The following DDX60 variants were observed in gnomAD, a reference collection of about 807,000 sequenced individuals.
DDX60 encodes probable ATP-dependent RNA helicase DDX60.
Under a neutral mutation model 212.8 loss-of-function variants are expected in DDX60, and 165 were observed. The ratio of observed to expected loss-of-function variants is 0.78; its 90% CI spans 0.68 to 0.88. DDX60 has a LOEUF of 0.88. DDX60 is among the 40% of genes least tolerant of loss of function. The pLI, the probability that DDX60 is intolerant of heterozygous loss-of-function variation, is 0.00. For missense variants in DDX60, 1,905 were observed against 2,003.9 expected, an observed-to-expected ratio of 0.95 and a Z score of 0.94; for synonymous variants, 703 against 685.3, an observed-to-expected ratio of 1.03 and a Z score of -0.40.
Position 168,267,609 on chromosome 4 carries a change from G to C in DDX60, c.3012C>G (p.His1004Gln), listed in dbSNP as rs1469448692. The C allele has an allele frequency of 6.3e-7, 1 of 1,598,684 alleles. No individual in the cohort carries two copies. Residue 1004 changes from histidine (H) to glutamine (Q), a missense_variant, in exon 22 of 38, where the codon CAC becomes CAG. Transcript: ENST00000393743. ...GATCTGTTGTTAGTGCAGCACATGG[G>C]TGAAAATGATCAAAATGAATGTCAC... Reference protein sequence around the residue: ...KHGDIHFDHFHPCAALTTDHI... With the variant: ...KHGDIHFDHFQPCAALTTDHI...
At chr4:168,261,960 A>G in intron 24 of DDX60, 40 bp downstream of exon 24, 1 of 1,564,556 alleles carries the variant, frequency 6.4e-7, no homozygotes, top group Non-Finnish European at 8.6e-7. Context: ...TCAAGAAAAC[A>G]ACAAAAATAA....
chr4:168,248,300 GA>G lies in DDX60; in HGVS notation c.3859-9del. 3 of 1,573,472 alleles carry G rather than the reference GA, an allele frequency of 1.9e-6. No homozygotes were observed. Among genetic ancestry groups the G allele is most frequent in the Non-Finnish European group, 2.6e-6 (3 of 1,158,810 alleles). ...TCCAGTAGCTGTCACCACCTTGAAA[GA>G]GAATAAAACAATTACTTCATAAAAT... On this transcript the variant is annotated splice_polypyrimidine_tract_variant and intron_variant, in intron 28 of 37. Coordinates refer to ENST00000393743, the MANE Select transcript of DDX60 (RefSeq NM_017631.6).
Position 168,252,536 on chromosome 4 carries a change from A to C in DDX60, c.3678T>G (p.Tyr1226Ter). 6.2e-7 allele frequency: 1 copy of C among 1,614,010 alleles called. No individual in the cohort carries two copies. Among genetic ancestry groups the C allele is most frequent in the East Asian group, 2.2e-5 (1 of 44,862 alleles). The change falls in exon 27 of 38, where the codon TAT becomes TAG. Residue 1226 changes from tyrosine (Y) to a stop codon, truncating the protein, a stop_gained. Coordinates refer to ENST00000393743, the MANE Select transcript of DDX60 (RefSeq NM_017631.6). LOFTEE classifies it high-confidence loss of function. ...KNLEIPQDCT[Y>*]ADQKAVDTET... ...CAGTGTCCACTGCTTTTTGATCAGC[A>C]TATGTGCAGTCCTGTGGGATTTCCA... is the stretch of plus-strand genomic sequence containing the variant.
intron 3 of DDX60, among the ~76,000 whole-genome samples, chr4:168,309,989 T>C (rs1288357449): frequency 6.6e-6 from 1 of 152,120 alleles, no homozygotes; most frequent in African/African-American, 2.4e-5. Context: ...AGGGAAAAGA[T>C]AAACACCAGC....
At chr4:168,247,939 T>A (rs1734079741) in intron 29 of DDX60, among the ~76,000 whole-genome samples, 1 of 152,206 alleles carries the variant, frequency 6.6e-6, no homozygotes, top group South Asian at 2.1e-4. Flanking sequence ...ACCCATATTT[T>A]GGAGATAGAA....
chr4:168,273,726 A>C (rs1735201501), intron 17 of DDX60, among the ~76,000 whole-genome samples: 1 of 152,114 alleles, frequency 6.6e-6, no homozygotes, highest in Non-Finnish European at 1.5e-5. Context: ...CTAAAGTTTG[A>C]ATATGTATAT....
At position 168,266,344 on chromosome 4, in the gene DDX60, T is replaced by C. The variant is rs140705349; in HGVS notation, c.3039+1238A>G. Among the ~76,000 whole-genome samples, 344 of 152,318 alleles carry C rather than the reference T, an allele frequency of 2.3e-3. 1 individual carries two copies. In the Middle Eastern group the frequency reaches 0.027, roughly 12 times the overall value. On this transcript the variant is annotated intron_variant, in intron 22 of 37. Coordinates refer to ENST00000393743, the MANE Select transcript of DDX60 (RefSeq NM_017631.6). ...TTTAACATACACTTAGTACCTTTTATATACATAGCAATTTGTTAGGAAATG... is the reference window on the plus strand; with the variant it reads ...TTTAACATACACTTAGTACCTTTTACATACATAGCAATTTGTTAGGAAATG...
chr4:168,220,593 T>C (rs1410870296), intron 37 of DDX60, 62 bp downstream of exon 37: 1 of 1,009,008 alleles, frequency 9.9e-7, no homozygotes, highest in Non-Finnish European at 1.4e-6. Flanking sequence ...CAGCTCAACA[T>C]TTTTCAAATT....
Position 168,280,444 on chromosome 4 carries a change from C to T in DDX60, c.1869G>A (p.Leu623=). 1 of 1,614,152 alleles carries T rather than the reference C, an allele frequency of 6.2e-7. No individual in the cohort carries two copies. Among genetic ancestry groups the T allele is most frequent in the African/African-American group, 1.3e-5 (1 of 75,050 alleles). The change falls in exon 14 of 38, where the codon CTG becomes CTA. Residue 623 remains leucine (L), a synonymous_variant. Transcript: ENST00000393743. ...KENLHSGIKS[L]EDFLKSCKSS... ...TTTTACAGGATTTCAAAAAATCTTC[C>T]AGGCTCTTTATTCCAGAGTGTAAAT...
chr4:168,282,903 G>A (rs777114487), intron 13 of DDX60, among the ~76,000 whole-genome samples: 2 of 151,848 alleles, frequency 1.3e-5, no homozygotes, highest in Non-Finnish European at 2.9e-5. Flanking sequence ...CCCCAGTTAC[G>A]TCTCCCAGGA....
At chr4:168,293,331 C>G (rs115029779) in intron 7 of DDX60, among the ~76,000 whole-genome samples, 1 of 152,134 alleles carries the variant, frequency 6.6e-6, no homozygotes, top group Non-Finnish European at 1.5e-5. Flanking sequence ...CAAGATGGAC[C>G]GGAGTTCAAT....
At chr4:168,247,018 C>T (rs926143270) in intron 29 of DDX60, among the ~76,000 whole-genome samples, 1 of 152,204 alleles carries the variant, frequency 6.6e-6, no homozygotes, top group Non-Finnish European at 1.5e-5. Flanking sequence ...TACCCTCTCT[C>T]ACACACAAGT....
intron 30 of DDX60, among the ~76,000 whole-genome samples, chr4:168,239,450 T>A (rs374925005): frequency 2.0e-5 from 3 of 151,870 alleles, no homozygotes; most frequent in East Asian, 3.9e-4. Context: ...ATGATAGACA[T>A]AAAGAAAGAT....
rs1423631190 is a variant in DDX60 at position 168,311,428 on chromosome 4, T to C, written c.-106-63A>G. On this transcript the variant is annotated intron_variant, in intron 1 of 37. Transcript: ENST00000393743. Reference sequence around the variant, plus strand: ...AAACATGTATTGAATGACTACTATATGTAAAGCAAAATATTAGACACAAGG... The same window carrying C: ...AAACATGTATTGAATGACTACTATACGTAAAGCAAAATATTAGACACAAGG... 4.9e-6 allele frequency: 3 copies of C among 618,106 alleles called. No individual in the cohort carries two copies. The South Asian group carries it at 7.1e-5, about 15-fold the overall frequency. The allele number at this position is 618,106 out of a possible 1,614,324, so 38.3% of individuals were successfully genotyped here. A position where few individuals can be genotyped will look rare whatever the true frequency, so the allele number is the denominator to read the frequency against.
At chr4:168,290,057 C>A (rs541885900) in intron 8 of DDX60, among the ~76,000 whole-genome samples, 70 of 152,308 alleles carry the variant, frequency 4.6e-4, no homozygotes, top group African/African-American at 1.5e-3. Flanking sequence ...TATCAAGTTA[C>A]ATCTGTATTT....
At chr4:168,251,784 A>G (rs940272288) in intron 27 of DDX60, among the ~76,000 whole-genome samples, 2 of 152,220 alleles carry the variant, frequency 1.3e-5, no homozygotes, top group Admixed American at 1.3e-4. Flanking sequence ...GCACAATAGA[A>G]TGATACATAT....
intron 1 of DDX60, among the ~76,000 whole-genome samples, chr4:168,311,886 A>C (rs1737149030): frequency 6.6e-6 from 1 of 152,198 alleles, no homozygotes; most frequent in Admixed American, 6.5e-5. Flanking sequence ...GATTTTAAGC[A>C]GGTGGTATTG....
At position 168,276,047 on chromosome 4, in the gene DDX60, C is replaced by T; in HGVS notation, c.2113G>A (p.Asp705Asn). Residue 705 changes from aspartate to asparagine, a missense_variant, in exon 15 of 38, where the codon GAT (aspartate) becomes AAT (asparagine). Asp to Asn is a conservative substitution (Grantham distance 23, BLOSUM62 1). Transcript: ENST00000393743. ...GGATGTAAAGAACTTGCCAACTCATCAAATCCTAAATACTTAAGGCATCTG... is the reference window on the plus strand; with the variant it reads ...GGATGTAAAGAACTTGCCAACTCATTAAATCCTAAATACTTAAGGCATCTG... The part of the protein sequence containing the change: ...IARCLKYLGF[D>N]ELASSLHPAQ... 1 of 1,612,446 alleles carries T rather than the reference C, an allele frequency of 6.2e-7. No homozygotes were observed. Among genetic ancestry groups the T allele is most frequent in the Non-Finnish European group, 8.5e-7 (1 of 1,179,112 alleles).
At chr4:168,267,719 A>G in intron 21 of DDX60, 28 bp from the exon 22 acceptor site, 2 of 1,537,206 alleles carry the variant, frequency 1.3e-6, no homozygotes, top group Non-Finnish European at 1.8e-6. Flanking sequence ...GAATTTCCAC[A>G]TCAATGGAAA....
Sources: allele counts gnomAD v4.1 joint callset (sites outside exome capture counted in the v4.1 genomes callset), GRCh38; gene constraint gnomAD v4.1.1; transcripts MANE v1.5; gene names NCBI Gene and HGNC (gene_info 2026-07-23, HGNC 2026-07-21).